Variants in CAMK1D observed in about 807,000 individuals in gnomAD.
CAMK1D encodes the protein calcium/calmodulin-dependent protein kinase type 1D.
CAMK1D carries 9 observed loss-of-function variants against 47.7 expected under a neutral mutation model. That is an observed-to-expected ratio of 0.19 (90% CI 0.11 to 0.33). The LOEUF is 0.33. Ranked by LOEUF, CAMK1D falls within the 10% of genes least tolerant of loss-of-function variation. The pLI is 1.00. For missense variants in CAMK1D, 291 were observed against 488.7 expected (o/e 0.60, Z 3.81); for synonymous variants, 184 against 184.9 (o/e 0.99, Z 0.04).
chr10:12,804,242 TAC>T (rs1043945098), intron 6 of CAMK1D, among the ~76,000 whole-genome samples: 2 of 152,288 alleles, frequency 1.3e-5, no homozygotes, highest in South Asian at 2.1e-4. Context: ...CTTAAGTCAG[TAC>T]ACACACACAA....
At chr10:12,390,093 A>T (rs1838669538) in intron 1 of CAMK1D, among the ~76,000 whole-genome samples, 2 of 152,176 alleles carry the variant, frequency 1.3e-5, no homozygotes, top group South Asian at 4.1e-4. Flanking sequence ...AGGAATGAAT[A>T]GTCCTGTGTC....
chr10:12,785,918 G>T (rs1420665810), intron 5 of CAMK1D, among the ~76,000 whole-genome samples: 1 of 152,232 alleles, frequency 6.6e-6, no homozygotes, highest in Non-Finnish European at 1.5e-5. Flanking sequence ...ATCACAGGAG[G>T]CGAGCAGGAG....
chr10:12,463,003 G>A (rs1833482594), intron 1 of CAMK1D, among the ~76,000 whole-genome samples: 1 of 152,220 alleles, frequency 6.6e-6, no homozygotes, highest in Non-Finnish European at 1.5e-5. Flanking sequence ...GCATATGCCA[G>A]AGAATAAACA....
intron 1 of CAMK1D, among the ~76,000 whole-genome samples, chr10:12,486,624 G>T (rs543372542): frequency 1.3e-5 from 2 of 152,246 alleles, no homozygotes; most frequent in African/African-American, 4.8e-5. Flanking sequence ...CTCCTTCTTT[G>T]TAGCCCAGCC....
rs113921067 is a variant in CAMK1D, at chr10:12,408,848, C to CTT, written c.92+58955_92+58956dup. 2.8e-3 allele frequency among the ~76,000 whole-genome samples: 336 copies of CTT among 121,850 alleles called. 6 individuals are homozygous for CTT. The highest frequency in any genetic ancestry group is 7.0e-3 in the East Asian group (30 of 4,308). The allele number at this position is 121,850 out of a possible 152,430, so 79.9% of individuals were successfully genotyped here. On this transcript the variant is annotated intron_variant, in intron 1 of 10. Coordinates refer to ENST00000619168, the MANE Select transcript of CAMK1D (RefSeq NM_153498.4). ...TTTTCGTTCATTTCTTTCTTTCTTTCTTTTTTTTTTTTTTTTTTGTTCTGA... is the reference window on the plus strand; with the variant it reads ...TTTTCGTTCATTTCTTTCTTTCTTTCTTTTTTTTTTTTTTTTTTTTGTTCTGA...
Position 12,468,146 on chromosome 10 carries a change from C to T in CAMK1D, c.93-85079C>T, listed in dbSNP as rs143337401. ...TCATGGCGCACTGCAGCCTTGACCTCCTGGGCTCAAGTGATCCTCCCGCCT... is the reference window on the plus strand; with the variant it reads ...TCATGGCGCACTGCAGCCTTGACCTTCTGGGCTCAAGTGATCCTCCCGCCT... On this transcript the variant is annotated intron_variant, in intron 1 of 10. Coordinates refer to ENST00000619168, the MANE Select transcript of CAMK1D (RefSeq NM_153498.4). 6.2e-4 allele frequency among the ~76,000 whole-genome samples: 94 copies of T among 152,336 alleles called. 1 individual carries two copies. The East Asian group carries it at 0.018, about 28-fold the overall frequency.
chr10:12,381,909 G>T (rs945995253), intron 1 of CAMK1D, among the ~76,000 whole-genome samples: 3 of 151,954 alleles, frequency 2.0e-5, no homozygotes, highest in Non-Finnish European at 4.4e-5. Flanking sequence ...TATAAAGCAA[G>T]AGTAAAACGT....
At chr10:12,532,834 C>G (rs1835852574) in intron 1 of CAMK1D, among the ~76,000 whole-genome samples, 1 of 151,764 alleles carries the variant, frequency 6.6e-6, no homozygotes, top group South Asian at 2.1e-4. Context: ...GTGAAATAAG[C>G]CAGGCACAGA....
At chr10:12,755,399 T>C (rs1380379879) in intron 3 of CAMK1D, among the ~76,000 whole-genome samples, 1 of 152,210 alleles carries the variant, frequency 6.6e-6, no homozygotes, top group Non-Finnish European at 1.5e-5. Flanking sequence ...AGATGGAAAC[T>C]AACTTTCTCC....
chr10:12,391,976 AACACACACACACAC>A (rs10659393), intron 1 of CAMK1D, among the ~76,000 whole-genome samples: 1,545 of 143,248 alleles, frequency 0.011, 16 homozygotes, highest in African/African-American at 0.024. Flanking sequence ...CTTGTCTTAA[AACACACACACACAC>A]ACACACACAC....
At chr10:12,504,427 C>T (rs1351983755) in intron 1 of CAMK1D, among the ~76,000 whole-genome samples, 1 of 152,108 alleles carries the variant, frequency 6.6e-6, no homozygotes, top group African/African-American at 2.4e-5. Context: ...GATGGGTAGC[C>T]CCGCTGAAGA....
chr10:12,634,208 G>A (rs538432522), intron 2 of CAMK1D, among the ~76,000 whole-genome samples: 1 of 152,276 alleles, frequency 6.6e-6, no homozygotes, highest in South Asian at 2.1e-4. Context: ...TTCTTTGCAG[G>A]TCCTTGTGTC....
chr10:12,751,063 T>C (rs1299564522), intron 3 of CAMK1D, among the ~76,000 whole-genome samples: 2 of 6,164 alleles, frequency 3.2e-4, no homozygotes, highest in East Asian at 3.6e-3. Context: ...TAAGATAAGA[T>C]AAGATAAGAT....
chr10:12,758,806 C>T (rs569421592), intron 3 of CAMK1D, among the ~76,000 whole-genome samples: 1 of 152,174 alleles, frequency 6.6e-6, no homozygotes, highest in South Asian at 2.1e-4. Flanking sequence ...AAGGGGTAAG[C>T]GTTCTTGCCA....
At chr10:12,504,225 T>TAC (rs111662084) in intron 1 of CAMK1D, among the ~76,000 whole-genome samples, 31,731 of 147,586 alleles carry the variant, frequency 0.21, 3,697 homozygotes, top group Admixed American at 0.27. Flanking sequence ...ATACACATTT[T>TAC]ACACACACAC....
At chr10:12,759,413 G>A (rs1256041212) in intron 3 of CAMK1D, among the ~76,000 whole-genome samples, 3 of 152,196 alleles carry the variant, frequency 2.0e-5, no homozygotes, top group Non-Finnish European at 2.9e-5. Context: ...CCTAACAGCA[G>A]TCTACCTCTT....
chr10:12,367,321 G>A (rs1012761173), intron 1 of CAMK1D, among the ~76,000 whole-genome samples: 1 of 152,006 alleles, frequency 6.6e-6, no homozygotes, highest in Non-Finnish European at 1.5e-5. Flanking sequence ...AATTCTTGAG[G>A]TTAGATCAGT....
At chr10:12,404,237 G>T (rs1334773430) in intron 1 of CAMK1D, among the ~76,000 whole-genome samples, 1 of 152,058 alleles carries the variant, frequency 6.6e-6, no homozygotes, top group Non-Finnish European at 1.5e-5. Context: ...TAGAGGTAGG[G>T]TTTCTCCATA....
chr10:12,554,386 C>T (rs1433987197), intron 2 of CAMK1D, among the ~76,000 whole-genome samples: 2 of 130,978 alleles, frequency 1.5e-5, no homozygotes, highest in East Asian at 2.2e-4. Flanking sequence ...AACTCCTGAC[C>T]TCAGGTGATC....
Sources: gnomAD v4.1 joint callset for allele counts (sites outside exome capture counted in the v4.1 genomes callset) on GRCh38, gnomAD v4.1.1 for gene constraint, MANE v1.5 for transcripts, NCBI Gene and HGNC (gene_info 2026-07-23, HGNC 2026-07-21) for gene names.